Variants in OSBPL6 observed in about 807,000 individuals in gnomAD.
The protein encoded by OSBPL6 is oxysterol binding protein like 6.
Under a neutral mutation model 125.8 loss-of-function variants are expected in OSBPL6, and 49 were observed. The observed-to-expected ratio is 0.39, with a 90% CI of 0.31 to 0.49. The LOEUF (loss-of-function observed/expected upper bound fraction) is 0.49, where lower values mean the gene tolerates loss of function less well. OSBPL6 is among the 20% of genes least tolerant of loss of function. The probability of loss-of-function intolerance (pLI) is 0.88; values close to 1 mark genes in which losing one functional copy is unlikely to be tolerated. For missense variants in OSBPL6, 986 were observed against 1,135.4 expected, an observed-to-expected ratio of 0.87 and a Z score of 1.89; for synonymous variants, 394 against 391.8, an observed-to-expected ratio of 1.01 and a Z score of -0.07.
chr2:178,221,466 A>G lies in OSBPL6; in HGVS notation c.-351+26792A>G, dbSNP rs1324527173. Among the ~76,000 whole-genome samples, 6 of 152,362 alleles carry G rather than the reference A, an allele frequency of 3.9e-5. No homozygotes were observed. In the South Asian group the frequency reaches 1.2e-3, roughly 32 times the overall value. On this transcript the variant is annotated intron_variant, in intron 1 of 24. Coordinates refer to ENST00000190611, the MANE Select transcript of OSBPL6 (RefSeq NM_032523.4). ...ACTGAAGGAAATACTCTGAAAGAGT[A>G]GATGAAGCTATGAGCATGGTTTATT...
intron 1 of OSBPL6, among the ~76,000 whole-genome samples, chr2:178,283,712 T>C (rs546127910): frequency 3.3e-5 from 5 of 152,330 alleles, no homozygotes; most frequent in Non-Finnish European, 7.3e-5. Flanking sequence ...GCAGGCTGTA[T>C]AAGAAGCACG....
rs757701087 is a variant in OSBPL6, at chr2:178,257,037, C to G, written c.-350-27890C>G. Among the ~76,000 whole-genome samples the G allele has an allele frequency of 2.0e-5, 3 of 152,118 alleles. No individual in the cohort carries two copies. In the South Asian group the frequency reaches 6.2e-4, roughly 32 times the overall value. On this transcript the variant is annotated intron_variant, in intron 1 of 24. Coordinates refer to ENST00000190611, the MANE Select transcript of OSBPL6 (RefSeq NM_032523.4). Reference sequence around the variant, plus strand: ...TACTTTTAGCTGGACTTTCTTGAATCGAATATATGTGTGTCTTAGCATTGG... The same window carrying G: ...TACTTTTAGCTGGACTTTCTTGAATGGAATATATGTGTGTCTTAGCATTGG...
intron 1 of OSBPL6, among the ~76,000 whole-genome samples, chr2:178,216,035 C>T (rs535296566): frequency 2.6e-5 from 4 of 152,164 alleles, no homozygotes; most frequent in Non-Finnish European, 5.9e-5. Flanking sequence ...TCCTAACTTA[C>T]TCATTTGAGG....
chr2:178,229,812 A>G (rs2090739255), intron 1 of OSBPL6, among the ~76,000 whole-genome samples: 1 of 152,234 alleles, frequency 6.6e-6, no homozygotes, highest in Non-Finnish European at 1.5e-5. Flanking sequence ...AGCCTAGGCT[A>G]CAGAATGAGA....
chr2:178,393,960 G>A (rs946518586), intron 23 of OSBPL6, among the ~76,000 whole-genome samples: 3 of 152,148 alleles, frequency 2.0e-5, no homozygotes, highest in African/African-American at 7.2e-5. Context: ...ACATGGCTAT[G>A]ACTTCACGCT....
chr2:178,323,189 C>A (rs1057320860), intron 3 of OSBPL6, among the ~76,000 whole-genome samples: 1 of 152,264 alleles, frequency 6.6e-6, no homozygotes. Context: ...TTTCTTCCAA[C>A]CCCACTTCAT....
intron 15 of OSBPL6, among the ~76,000 whole-genome samples, chr2:178,377,172 G>A (rs1190330433): frequency 6.6e-6 from 1 of 152,230 alleles, no homozygotes; most frequent in Non-Finnish European, 1.5e-5. Context: ...TCATGGTTCT[G>A]CAGGCTGTAC....
At chr2:178,314,692 C>T (rs999991529) in intron 3 of OSBPL6, among the ~76,000 whole-genome samples, 2 of 152,152 alleles carry the variant, frequency 1.3e-5, no homozygotes, top group South Asian at 4.1e-4. Context: ...CCAGCAATAG[C>T]TAATATTTCA....
intron 1 of OSBPL6, among the ~76,000 whole-genome samples, chr2:178,254,948 C>T (rs2091831061): frequency 6.6e-6 from 1 of 152,166 alleles, no homozygotes; most frequent in Admixed American, 6.6e-5. Flanking sequence ...CTGGGGAGGC[C>T]TCACAATCAT....
chr2:178,324,249 G>T lies in OSBPL6; in HGVS notation c.175G>T (p.Glu59Ter). 1.3e-6 allele frequency: 2 copies of T among 1,573,724 alleles called. No individual in the cohort carries two copies. Among genetic ancestry groups the T allele is most frequent in the Middle Eastern group, 1.7e-4 (1 of 5,970 alleles). The change falls in exon 4 of 25, where the codon GAG becomes TAG. Residue 59 changes from glutamate (E) to a stop codon, truncating the protein, a stop_gained. Coordinates refer to ENST00000190611, the MANE Select transcript of OSBPL6 (RefSeq NM_032523.4). LOFTEE classifies it high-confidence loss of function. ...TGTAAGTCGGCAATTGCTAGAACCG[G>T]AGCCAGTCCCCCTCTCCAAGGTCAG... Reference protein sequence around the residue: ...PSVSRQLLEPEPVPLSKEADS... With the variant: ...PSVSRQLLEP
At chr2:178,214,822 G>A (rs916045897) in intron 1 of OSBPL6, among the ~76,000 whole-genome samples, 5 of 151,764 alleles carry the variant, frequency 3.3e-5, no homozygotes, top group Admixed American at 6.6e-5. Flanking sequence ...ATGGTGGCAC[G>A]TGCTTGTAGT....
chr2:178,336,315 C>T lies in OSBPL6; in HGVS notation c.672C>T (p.Ser224=). 1 of 1,613,888 alleles carries T rather than the reference C, an allele frequency of 6.2e-7. No homozygotes were observed. The highest frequency in any genetic ancestry group is 8.5e-7 in the Non-Finnish European group (1 of 1,179,890). The change falls in exon 9 of 25, where the codon AGC becomes AGT. Residue 224 remains serine (S), a synonymous_variant. Transcript: ENST00000190611. The part of the protein sequence containing the change: ...SVMDGKMQPN[S]FPWQSPLPCS... ...GTTTGCCGTAGATGCAACCAAACAGCTTTCCGTGGCAGTCCCCTTTACCAT... is the reference window on the plus strand; with the variant it reads ...GTTTGCCGTAGATGCAACCAAACAGTTTTCCGTGGCAGTCCCCTTTACCAT...
At chr2:178,320,305 T>C (rs2154070302) in intron 3 of OSBPL6, 2 of 1,612,440 alleles carry the variant, frequency 1.2e-6, no homozygotes, top group East Asian at 2.2e-5. Flanking sequence ...AGCATATTTT[T>C]ACCAAATTAA....
intron 1 of OSBPL6, among the ~76,000 whole-genome samples, chr2:178,225,255 G>A (rs143384555): frequency 1.4e-5 from 2 of 138,026 alleles, no homozygotes; most frequent in Non-Finnish European, 1.5e-5. Context: ...AAAAAAAAAA[G>A]GAAAGAAAAG....
In OSBPL6 at chr2:178,322,030, C is replaced by A. The variant is rs887528374; in HGVS notation, c.103-2147C>A. Among the ~76,000 whole-genome samples, 4 of 152,308 alleles carry A rather than the reference C, an allele frequency of 2.6e-5. No homozygotes were observed. The South Asian group carries it at 8.3e-4, about 32-fold the overall frequency. ...ACTAACCCTTCTGACCCACATAATT[C>A]TGGCAACATCTTAAGTATCCCCTCG... is the stretch of plus-strand genomic sequence containing the variant. On this transcript the variant is annotated intron_variant, in intron 3 of 24. Transcript: ENST00000190611.
chr2:178,304,342 T>A (rs1411697629), intron 2 of OSBPL6, among the ~76,000 whole-genome samples: 1 of 152,170 alleles, frequency 6.6e-6, no homozygotes. Context: ...AAACTTATAA[T>A]CATGGCAGAA....
intron 1 of OSBPL6, among the ~76,000 whole-genome samples, chr2:178,252,063 G>A (rs1204766471): frequency 3.9e-5 from 6 of 152,162 alleles, no homozygotes; most frequent in Admixed American, 3.9e-4. Context: ...GGCACGGGCT[G>A]AGTAGTAGAT....
rs868274182 is a variant in OSBPL6 at position 178,394,538 on chromosome 2, G to T, written c.2696+103G>T. 7.3e-6 allele frequency: 10 copies of T among 1,376,994 alleles called. No individual in the cohort carries two copies. In the Middle Eastern group the frequency reaches 1.4e-3, roughly 186 times the overall value. The allele number at this position is 1,376,994 out of a possible 1,614,324, so 85.3% of individuals were successfully genotyped here. ...AAAATAAAATGGGTAAATGGATTTT[G>T]GTATCTTTGCTTTTGGCAGTGAAAA... On this transcript the variant is annotated intron_variant, in intron 24 of 24. Coordinates refer to ENST00000190611, the MANE Select transcript of OSBPL6 (RefSeq NM_032523.4).
chr2:178,320,548 A>C (rs905214843), intron 3 of OSBPL6: 2 of 803,580 alleles, frequency 2.5e-6, no homozygotes, highest in Non-Finnish European at 3.9e-6. Context: ...ACTTGCTTAC[A>C]TAATGTGTGT....
Sources: gnomAD v4.1 joint callset for allele counts (sites outside exome capture counted in the v4.1 genomes callset) on GRCh38, gnomAD v4.1.1 for gene constraint, MANE v1.5 for transcripts, NCBI Gene and HGNC (gene_info 2026-07-23, HGNC 2026-07-21) for gene names.